PDE4B: variants seen among roughly 807,000 people sequenced by gnomAD.
PDE4B encodes 3',5'-cyclic-AMP phosphodiesterase 4B.
In PDE4B, 20 loss-of-function variants were observed where a neutral mutation model predicts 82.2. That is an observed-to-expected ratio of 0.24 (90% confidence interval 0.17 to 0.35). The LOEUF (loss-of-function observed/expected upper bound fraction) is 0.35. Among genes scored for constraint, PDE4B ranks in the 10% least tolerant of loss-of-function variants. The pLI, the probability that PDE4B is intolerant of heterozygous loss-of-function variation, is 1.00. For missense variants in PDE4B, 655 were observed against 907.2 expected, an observed-to-expected ratio of 0.72 and a Z score of 3.57; for synonymous variants, 320 against 318.9, an observed-to-expected ratio of 1.00 and a Z score of -0.04.
rs143700583 is a variant in PDE4B at position 66,287,578 on chromosome 1, C to A, written c.634+21491C>A. Among the ~76,000 whole-genome samples the A allele has an allele frequency of 2.1e-3, 322 of 152,310 alleles. 3 individuals carry two copies. In the Middle Eastern group the frequency reaches 0.027, roughly 13 times the overall value. ...GGTGAGGAGGAAGACTCCAGACTTT[C>A]CTTGCCTGGGCCCAAATTCTGGCCT... On this transcript the variant is annotated intron_variant, in intron 7 of 16. Coordinates refer to ENST00000341517, the MANE Select transcript of PDE4B (RefSeq NM_002600.4).
intron 7 of PDE4B, among the ~76,000 whole-genome samples, chr1:66,323,326 G>T (rs1236588375): frequency 6.6e-6 from 1 of 152,016 alleles, no homozygotes; most frequent in Non-Finnish European, 1.5e-5. Flanking sequence ...TCCAAGGCAG[G>T]CCTTCCTTCA....
chr1:66,256,036 G>A (rs1242449314), intron 4 of PDE4B, among the ~76,000 whole-genome samples: 6 of 152,118 alleles, frequency 3.9e-5, no homozygotes, highest in South Asian at 4.1e-4. Context: ...AAATAGCTGC[G>A]TGTGGTGTTG....
At chr1:66,071,423 G>C (rs1656151329) in intron 3 of PDE4B, among the ~76,000 whole-genome samples, 1 of 152,042 alleles carries the variant, frequency 6.6e-6, no homozygotes. Context: ...TCCAATGTTG[G>C]CTATAAATTT....
At chr1:66,138,896 A>C (rs998790387) in intron 3 of PDE4B, among the ~76,000 whole-genome samples, 1 of 152,188 alleles carries the variant, frequency 6.6e-6, no homozygotes, top group South Asian at 2.1e-4. Flanking sequence ...CTGAACTCCA[A>C]AAACACCTCT....
chr1:66,204,973 T>C (rs755951715), intron 3 of PDE4B, among the ~76,000 whole-genome samples: 11 of 152,280 alleles, frequency 7.2e-5, no homozygotes, highest in Non-Finnish European at 1.5e-4. Context: ...GCTATTCCTA[T>C]TCGGCCATCT....
intron 8 of PDE4B, among the ~76,000 whole-genome samples, chr1:66,343,596 T>G (rs1661179473): frequency 6.6e-6 from 1 of 152,254 alleles, no homozygotes; most frequent in Non-Finnish European, 1.5e-5. Context: ...GACTCCACTT[T>G]CCTTGCAGGA....
chr1:66,022,123 G>T (rs1051212768), intron 3 of PDE4B, among the ~76,000 whole-genome samples: 4 of 152,160 alleles, frequency 2.6e-5, no homozygotes, highest in African/African-American at 4.8e-5. Context: ...TGTTATTGGT[G>T]TATAGGAATG....
chr1:65,854,489 T>TA (rs1646370053), intron 1 of PDE4B, among the ~76,000 whole-genome samples: 1 of 151,860 alleles, frequency 6.6e-6, no homozygotes, highest in African/African-American at 2.4e-5. Flanking sequence ...TGCTCTCATT[T>TA]AAAAAATATA....
chr1:65,908,527 C>T (rs1330531914), intron 1 of PDE4B, among the ~76,000 whole-genome samples: 3 of 152,062 alleles, frequency 2.0e-5, no homozygotes, highest in African/African-American at 4.8e-5. Flanking sequence ...GCAGCCTATA[C>T]ATTTAGGTGT....
intron 1 of PDE4B, among the ~76,000 whole-genome samples, chr1:65,874,506 G>A (rs1028056181): frequency 2.6e-5 from 4 of 152,132 alleles, no homozygotes; most frequent in Non-Finnish European, 5.9e-5. Context: ...AGTTTTCAAA[G>A]AACAAAGCTG....
intron 7 of PDE4B, among the ~76,000 whole-genome samples, chr1:66,279,875 G>GTAATCTC (rs1245761445): frequency 6.6e-6 from 1 of 152,098 alleles, no homozygotes; most frequent in African/African-American, 2.4e-5. Context: ...ATCATCGGGG[G>GTAATCTC]TAATCTCCTT....
chr1:66,269,029 A>G (rs758888381), intron 7 of PDE4B, among the ~76,000 whole-genome samples: 1 of 152,242 alleles, frequency 6.6e-6, no homozygotes, highest in Non-Finnish European at 1.5e-5. Flanking sequence ...ATTGACCGGG[A>G]AAACTACATA....
chr1:65,848,145 ATT>A (rs202107438), intron 1 of PDE4B, among the ~76,000 whole-genome samples: 1 of 146,622 alleles, frequency 6.8e-6, no homozygotes. Context: ...CAGCTTTATC[ATT>A]TTTTTTTTTT....
chr1:66,157,734 T>C (rs1194126016), intron 3 of PDE4B, among the ~76,000 whole-genome samples: 2 of 152,342 alleles, frequency 1.3e-5, no homozygotes, highest in East Asian at 3.9e-4. Context: ...AAGAGGTTTG[T>C]TTTCTCCTGT....
At chr1:65,837,730 C>T (rs1646157217) in intron 1 of PDE4B, among the ~76,000 whole-genome samples, 1 of 152,088 alleles carries the variant, frequency 6.6e-6, no homozygotes, top group South Asian at 2.1e-4. Context: ...CTTTACAATT[C>T]CTATATTTTT....
chr1:66,085,673 G>A (rs1656966130), intron 3 of PDE4B, among the ~76,000 whole-genome samples: 2 of 152,176 alleles, frequency 1.3e-5, no homozygotes, highest in South Asian at 4.1e-4. Flanking sequence ...AAAACAAAAT[G>A]ATAGGTTGCT....
At chr1:65,936,167 A>G (rs1557443842) in intron 3 of PDE4B, among the ~76,000 whole-genome samples, 1 of 152,088 alleles carries the variant, frequency 6.6e-6, no homozygotes, top group Non-Finnish European at 1.5e-5. Flanking sequence ...GCCCCACTGG[A>G]GGGTCTTCAG....
chr1:66,289,866 C>A (rs1044264018), intron 7 of PDE4B, among the ~76,000 whole-genome samples: 2 of 151,704 alleles, frequency 1.3e-5, no homozygotes, highest in Non-Finnish European at 2.9e-5. Context: ...GGAAGTGGAC[C>A]GATGTGTAAT....
At chr1:65,987,104 C>G (rs1182498477) in intron 3 of PDE4B, among the ~76,000 whole-genome samples, 1 of 152,142 alleles carries the variant, frequency 6.6e-6, no homozygotes, top group African/African-American at 2.4e-5. Flanking sequence ...CTCAAGGCCA[C>G]TGTGTAGACT....
Sources: allele counts gnomAD v4.1 joint callset (sites outside exome capture counted in the v4.1 genomes callset), GRCh38; gene constraint gnomAD v4.1.1; transcripts MANE v1.5; gene names NCBI Gene and HGNC (gene_info 2026-07-23, HGNC 2026-07-21).